Variants in YEATS2 observed in about 807,000 individuals in gnomAD.
YEATS2 encodes the protein YEATS domain-containing protein 2.
A neutral mutation model predicts 163.2 loss-of-function variants in YEATS2; 77 were observed. That is an observed-to-expected ratio of 0.47 (90% CI 0.39 to 0.57). YEATS2 has a LOEUF of 0.57. Ranked by LOEUF, YEATS2 falls within the 20% of genes least tolerant of loss-of-function variation. The pLI, the probability that YEATS2 is intolerant of heterozygous loss-of-function variation, is 0.00. For missense variants in YEATS2, 1,549 were observed against 1,729.8 expected (o/e 0.90, Z 1.85); for synonymous variants, 631 against 645.1 (o/e 0.98, Z 0.33).
intron 19 of YEATS2, among the ~76,000 whole-genome samples, chr3:183,784,357 T>G (rs998823125): frequency 6.6e-6 from 1 of 152,228 alleles, no homozygotes; most frequent in Non-Finnish European, 1.5e-5. Context: ...ACGGAGCATT[T>G]TTTCATGTTT....
intron 20 of YEATS2, among the ~76,000 whole-genome samples, chr3:183,789,952 TGGAA>T (rs1208775608): frequency 6.6e-6 from 1 of 152,220 alleles, no homozygotes; most frequent in African/African-American, 2.4e-5. Flanking sequence ...TCAATCGTCT[TGGAA>T]GCCCACAGAC....
At position 183,762,214 on chromosome 3, in the gene YEATS2, C is replaced by T. The variant is rs1359414203; in HGVS notation, c.1882C>T (p.Pro628Ser). The T allele has an allele frequency of 3.1e-6, 5 of 1,613,752 alleles. No individual in the cohort carries two copies. The African/African-American group carries it at 6.7e-5, about 22-fold the overall frequency. Residue 628 changes from proline to serine, a missense_variant, in exon 15 of 31, where the codon CCT (proline) becomes TCT (serine). By Grantham distance (74) the Pro-to-Ser change is moderately conservative. Coordinates refer to ENST00000305135, the MANE Select transcript of YEATS2 (RefSeq NM_018023.5). ...VKGGHMIAVSPQKQVITPGEG... is the reference protein window; with the variant it reads ...VKGGHMIAVSSQKQVITPGEG... Reference sequence around the variant, plus strand: ...AGGGGGTCACATGATAGCTGTGTCCCCTCAAAAACAGGTCATAACTCCTGG... The same window carrying T: ...AGGGGGTCACATGATAGCTGTGTCCTCTCAAAAACAGGTCATAACTCCTGG...
chr3:183,699,099 G>T (rs1560208499), intron 1 of YEATS2, among the ~76,000 whole-genome samples: 1 of 152,142 alleles, frequency 6.6e-6, no homozygotes, highest in African/African-American at 2.4e-5. Context: ...CTTTGCAGTA[G>T]CTTGGACTAG....
chr3:183,776,936 G>C (rs1293464438), intron 18 of YEATS2, among the ~76,000 whole-genome samples: 3 of 151,318 alleles, frequency 2.0e-5, no homozygotes, highest in Non-Finnish European at 4.4e-5. Flanking sequence ...TGGGGGAAAA[G>C]GGTGAGACTC....
intron 1 of YEATS2, among the ~76,000 whole-genome samples, chr3:183,699,245 G>A (rs1484100008): frequency 6.6e-6 from 1 of 152,084 alleles, no homozygotes; most frequent in East Asian, 1.9e-4. Context: ...TGAGTAGGTG[G>A]TGGTGCTGTT....
chr3:183,732,494 G>A (rs974649372), intron 7 of YEATS2, among the ~76,000 whole-genome samples: 1 of 151,864 alleles, frequency 6.6e-6, no homozygotes, highest in South Asian at 2.1e-4. Flanking sequence ...TATCCCCAGG[G>A]TCTATCATAG....
At chr3:183,755,770 T>TG (rs1720689094) in intron 11 of YEATS2, among the ~76,000 whole-genome samples, 1 of 112,794 alleles carries the variant, frequency 8.9e-6, no homozygotes, top group Non-Finnish European at 1.8e-5. Flanking sequence ...TTTTTTTTTT[T>TG]GAGACAGAGT....
At chr3:183,750,368 G>T (rs1720037409) in intron 9 of YEATS2, among the ~76,000 whole-genome samples, 1 of 152,192 alleles carries the variant, frequency 6.6e-6, no homozygotes, top group African/African-American at 2.4e-5. Flanking sequence ...TTTGGCTGTT[G>T]TTAATAGTGC....
chr3:183,698,071 C>T, intron 1 of YEATS2, 78 bp downstream of exon 1: 1 of 152,176 alleles, frequency 6.6e-6, no homozygotes, highest in Non-Finnish European at 1.5e-5. Flanking sequence ...GCGGGGGCGG[C>T]GCGGGCACGT....
intron 12 of YEATS2, among the ~76,000 whole-genome samples, chr3:183,756,978 T>TA (rs1477503920): frequency 1.3e-5 from 2 of 152,212 alleles, no homozygotes; most frequent in African/African-American, 2.4e-5. Flanking sequence ...TTGGAAGACT[T>TA]ACGCTTTGGG....
intron 15 of YEATS2, 144 bp from the exon 16 acceptor site, chr3:183,772,161 C>A: frequency 9.5e-7 from 1 of 1,049,362 alleles, no homozygotes; most frequent in Non-Finnish European, 1.4e-6. Context: ...AGTTGCCGTT[C>A]ACACCTGTGT....
intron 7 of YEATS2, among the ~76,000 whole-genome samples, chr3:183,736,110 C>G (rs1186839133): frequency 6.6e-6 from 1 of 152,136 alleles, no homozygotes; most frequent in Non-Finnish European, 1.5e-5. Context: ...CCCGCCCCTC[C>G]TTTTTTCTTC....
chr3:183,726,685 CTA>C (rs1407190570), intron 6 of YEATS2, among the ~76,000 whole-genome samples: 1 of 152,174 alleles, frequency 6.6e-6, no homozygotes, highest in African/African-American at 2.4e-5. Flanking sequence ...CATATTCCCT[CTA>C]TGCTATCTCT....
chr3:183,762,466 A>G (rs1721467346), intron 15 of YEATS2, among the ~76,000 whole-genome samples, 187 bp downstream of exon 15: 1 of 152,226 alleles, frequency 6.6e-6, no homozygotes, highest in African/African-American at 2.4e-5. Flanking sequence ...AATCATTGGC[A>G]AGAGCCGCGT....
At chr3:183,715,018 T>C (rs1208814968) in intron 1 of YEATS2, 126 bp from the exon 2 acceptor site, 2 of 574,020 alleles carry the variant, frequency 3.5e-6, no homozygotes, top group East Asian at 2.9e-5. Context: ...GTACCAGTAT[T>C]AATGTAATAT....
chr3:183,707,585 G>A (rs988380144), intron 1 of YEATS2, among the ~76,000 whole-genome samples: 5 of 151,978 alleles, frequency 3.3e-5, no homozygotes. Context: ...AAAGGACAGG[G>A]CCAGGAACTA....
At chr3:183,771,720 T>A (rs993648414) in intron 15 of YEATS2, among the ~76,000 whole-genome samples, 26 of 43,754 alleles carry the variant, frequency 5.9e-4, no homozygotes, top group African/African-American at 7.9e-4. Flanking sequence ...ACTGGCTAAT[T>A]TTTTTTTTTT....
At chr3:183,698,526 T>C (rs1438276551) in intron 1 of YEATS2, among the ~76,000 whole-genome samples, 1 of 152,192 alleles carries the variant, frequency 6.6e-6, no homozygotes, top group Non-Finnish European at 1.5e-5. Flanking sequence ...TGAGGACTCC[T>C]GCAGGAAAGG....
intron 19 of YEATS2, among the ~76,000 whole-genome samples, chr3:183,780,604 A>G (rs1013785084): frequency 1.3e-5 from 2 of 152,186 alleles, no homozygotes; most frequent in African/African-American, 2.4e-5. Flanking sequence ...GCTGTCCACA[A>G]TGAAGATAAA....
Sources: gnomAD v4.1 joint callset for allele counts (sites outside exome capture counted in the v4.1 genomes callset) on GRCh38, gnomAD v4.1.1 for gene constraint, MANE v1.5 for transcripts, NCBI Gene and HGNC (gene_info 2026-07-23, HGNC 2026-07-21) for gene names.